Variants in PKD1L1 observed in about 807,000 individuals in gnomAD.
PKD1L1 encodes the protein polycystin-1-like protein 1.
In PKD1L1, 236 loss-of-function variants were observed where a neutral mutation model predicts 323.4. The ratio of observed to expected loss-of-function variants is 0.73; its 90% CI spans 0.66 to 0.81. The LOEUF (loss-of-function observed/expected upper bound fraction) is 0.81, where lower values mean the gene tolerates loss of function less well. Ranked by LOEUF, PKD1L1 falls within the 40% of genes least tolerant of loss-of-function variation. The pLI is 0.00. For missense variants in PKD1L1, 3,320 were observed against 3,508.0 expected (o/e 0.95, Z 1.35); for synonymous variants, 1,344 against 1,335.0 (o/e 1.01, Z -0.15).
Position 47,799,759 on chromosome 7 carries a change from G to A in PKD1L1, c.8193+890C>T, listed in dbSNP as rs372172772. 1.3e-3 allele frequency among the ~76,000 whole-genome samples: 199 copies of A among 152,226 alleles called. 1 individual carries two copies. The highest frequency in any genetic ancestry group is 4.5e-3 in the African/African-American group (187 of 41,536). On this transcript the variant is annotated intron_variant, in intron 54 of 56. Coordinates refer to ENST00000289672, the MANE Select transcript of PKD1L1 (RefSeq NM_138295.5). Reference sequence around the variant, plus strand: ...GTAAGTGTGGACAGCATGCCTATAGGCTTAGTCAAGCACAGAGCAGGGGTC... The same window carrying A: ...GTAAGTGTGGACAGCATGCCTATAGACTTAGTCAAGCACAGAGCAGGGGTC...
At chr7:47,821,666 T>A (rs900055174) in intron 45 of PKD1L1, among the ~76,000 whole-genome samples, 4 of 148,300 alleles carry the variant, frequency 2.7e-5, no homozygotes, top group Non-Finnish European at 5.9e-5. Flanking sequence ...TTATTTATTT[T>A]GCATATCAAT....
intron 2 of PKD1L1, 94 bp from the exon 3 acceptor site, chr7:47,940,411 G>T: frequency 7.3e-7 from 1 of 1,364,958 alleles, no homozygotes; most frequent in Non-Finnish European, 1.0e-6. Flanking sequence ...TATACATAAG[G>T]TCAAAGCCAC....
At chr7:47,960,367 A>T in the PKD1L1 span, among the ~76,000 whole-genome samples, 8 of 90,772 alleles carry the variant, frequency 8.8e-5, no homozygotes, top group Admixed American at 1.0e-3. Flanking sequence ...AATGATCAAT[A>T]AAAAAAAATT....
intron 2 of PKD1L1, 104 bp from the exon 3 acceptor site, chr7:47,940,421 C>G (rs574608226): frequency 8.1e-7 from 1 of 1,228,504 alleles, no homozygotes; most frequent in Middle Eastern, 2.0e-4. Flanking sequence ...GTCAAAGCCA[C>G]CTGGGCCTAA....
In PKD1L1 at chr7:47,943,163, A is replaced by AAAAT. The variant is rs1554417311; in HGVS notation, c.160+232_160+233insATTT. On this transcript the variant is annotated intron_variant, in intron 2 of 56. Coordinates refer to ENST00000289672, the MANE Select transcript of PKD1L1 (RefSeq NM_138295.5). ...TCCGTCTCAAAAAAAAAAAAAAAAA[A>AAAAT]ATATATATATATATATATATATATA... 1.8e-3 allele frequency among the ~76,000 whole-genome samples: 61 copies of AAAAT among 34,128 alleles called. 1 individual carries two copies. The highest frequency in any genetic ancestry group is 2.5e-3 in the Non-Finnish European group (43 of 17,534). 22.4% of individuals were successfully genotyped at this position (34,128 alleles called of 152,430 possible).
At chr7:47,880,284 A>ATATATTTTTTTTTTTTTTT (rs1225214936) in intron 21 of PKD1L1, among the ~76,000 whole-genome samples, 2 of 56,782 alleles carry the variant, frequency 3.5e-5, no homozygotes, top group African/African-American at 1.1e-4. Context: ...ATATATATAT[A>ATATATTTTTTTTTTTTTTT]TTTTTTTTTT....
chr7:47,824,895 T>C (rs548841878), intron 45 of PKD1L1, among the ~76,000 whole-genome samples: 1 of 152,340 alleles, frequency 6.6e-6, no homozygotes, highest in Non-Finnish European at 1.5e-5. Context: ...AGGTCCCACA[T>C]AAATTGGTTT....
intron 24 of PKD1L1, among the ~76,000 whole-genome samples, chr7:47,868,601 C>T (rs1162668403): frequency 6.6e-6 from 1 of 152,152 alleles, no homozygotes; most frequent in Non-Finnish European, 1.5e-5. Context: ...ACTGGCCAGG[C>T]GTGGTGGCTC....
chr7:47,859,741 T>C (rs1785985135), intron 26 of PKD1L1, among the ~76,000 whole-genome samples: 1 of 151,602 alleles, frequency 6.6e-6, no homozygotes, highest in Non-Finnish European at 1.5e-5. Flanking sequence ...ATTCTCTGCC[T>C]CAGCCTCCCG....
rs1221026246 is a variant in PKD1L1, at chr7:47,811,832, G to A, written c.7566C>T (p.His2522=). ...GTCAGCTCACCTGGGGAAGCATGAGGTGGTACTGCAGGGCTGAGTCGCTGC... is the reference window on the plus strand; with the variant it reads ...GTCAGCTCACCTGGGGAAGCATGAGATGGTACTGCAGGGCTGAGTCGCTGC... The part of the protein sequence containing the change: ...IFRSDSALQY[H]LMLPQLVFLA... The change falls in exon 50 of 57, where the codon CAC becomes CAT. Residue 2522 remains histidine, a synonymous_variant. Transcript: ENST00000289672. 2.5e-6 allele frequency: 4 copies of A among 1,605,254 alleles called. No homozygotes were observed. The highest frequency in any genetic ancestry group is 3.4e-6 in the Non-Finnish European group (4 of 1,176,502).
intron 7 of PKD1L1, among the ~76,000 whole-genome samples, chr7:47,923,496 A>G (rs189666571): frequency 6.6e-6 from 1 of 152,146 alleles, no homozygotes; most frequent in East Asian, 1.9e-4. Context: ...GAACTTACTC[A>G]TGTAACCAAA....
chr7:47,873,249 G>C (rs775240930), intron 24 of PKD1L1, among the ~76,000 whole-genome samples: 69 of 152,238 alleles, frequency 4.5e-4, no homozygotes, highest in Non-Finnish European at 4.4e-4. Context: ...CTAGCTTATG[G>C]TGAAGGCTGT....
intron 50 of PKD1L1, 196 bp from the exon 51 acceptor site, chr7:47,809,773 A>G (rs1784855773): frequency 6.9e-6 from 3 of 435,076 alleles, no homozygotes; most frequent in Non-Finnish European, 1.2e-5. Flanking sequence ...CCTCTCCACA[A>G]GTCAAGCACT....
intron 55 of PKD1L1, 69 bp from the exon 56 acceptor site, chr7:47,792,866 G>C: frequency 7.1e-7 from 1 of 1,403,190 alleles, no homozygotes. Flanking sequence ...CTCATTATGT[G>C]AAGCATTTAG....
At position 47,929,456 on chromosome 7, in the gene PKD1L1, G is replaced by T; in HGVS notation, c.808C>A (p.Leu270Ile). Residue 270 changes from leucine to isoleucine, a missense_variant, in exon 7 of 57, where the codon CTC (leucine) becomes ATC (isoleucine). Physicochemically the swap from Leu to Ile is conservative, Grantham distance 5 (BLOSUM62 2). Transcript: ENST00000289672. Reference sequence around the variant, plus strand: ...GGAGGATGCTGAGTAGGGGGATAGAGGATCTCAGAACCAGACTGCGATGCC... The same window carrying T: ...GGAGGATGCTGAGTAGGGGGATAGATGATCTCAGAACCAGACTGCGATGCC... The part of the protein sequence containing the change: ...FTASQSGSEI[L>I]YPPTQHPPVA... 2.5e-6 allele frequency: 4 copies of T among 1,614,106 alleles called. No homozygotes were observed. Among genetic ancestry groups the T allele is most frequent in the Non-Finnish European group, 2.5e-6 (3 of 1,179,938 alleles).
At chr7:47,897,195 T>G (rs573119457) in intron 14 of PKD1L1, among the ~76,000 whole-genome samples, 1 of 152,328 alleles carries the variant, frequency 6.6e-6, no homozygotes, top group East Asian at 1.9e-4. Context: ...TCAGGGCAGT[T>G]TGGGTGCCGA....
chr7:47,813,556 T>A (rs779688841), intron 48 of PKD1L1: 1 of 677,504 alleles, frequency 1.5e-6, no homozygotes, highest in South Asian at 1.5e-5. Context: ...GACTTCCCCA[T>A]CATGAGATGC....
In PKD1L1 at chr7:47,887,954, CTCAGAAAACAAAATAAAGCTATTAA is replaced by C. The variant is rs1470164938; in HGVS notation, c.2836+11_2836+35del. On this transcript the variant is annotated intron_variant, in intron 17 of 56. Transcript: ENST00000289672. The stretch of plus-strand genomic sequence containing the variant: ...TCTCACAATAACCCTGAGTTTTTCC[CTCAGAAAACAAAATAAAGCTATTAA>C]TCCTTTTTACCTTCTATCCTATTCT... 6.3e-7 allele frequency: 1 copy of C among 1,580,046 alleles called. No homozygotes were observed. The highest frequency in any genetic ancestry group is 8.6e-7 in the Non-Finnish European group (1 of 1,157,338).
At chr7:47,779,751 T>C (rs1786648384) in intron 56 of PKD1L1, among the ~76,000 whole-genome samples, 1 of 152,074 alleles carries the variant, frequency 6.6e-6, no homozygotes, top group Non-Finnish European at 1.5e-5. Flanking sequence ...TCTCATTAGG[T>C]AGAAATCTGA....
Sources: gnomAD v4.1 joint callset for allele counts (sites outside exome capture counted in the v4.1 genomes callset) on GRCh38, gnomAD v4.1.1 for gene constraint, MANE v1.5 for transcripts, NCBI Gene and HGNC (gene_info 2026-07-23, HGNC 2026-07-21) for gene names.